TMEM94: variants seen among roughly 807,000 people sequenced by gnomAD.
The protein encoded by TMEM94 is ER Mg2+ ATPase.
Under a neutral mutation model 158.6 loss-of-function variants are expected in TMEM94, and 81 were observed. That is an observed-to-expected ratio of 0.51 (90% CI 0.43 to 0.61). The LOEUF (loss-of-function observed/expected upper bound fraction) is 0.61, where lower values mean the gene tolerates loss of function less well. Ranked by LOEUF, TMEM94 falls within the 20% of genes least tolerant of loss-of-function variation. The pLI is 0.00. For missense variants in TMEM94, 1,435 were observed against 1,762.0 expected, an observed-to-expected ratio of 0.81 and a Z score of 3.32; for synonymous variants, 751 against 730.7, an observed-to-expected ratio of 1.03 and a Z score of -0.45.
chr17:75,494,772 T>G lies in TMEM94; in HGVS notation c.2553T>G (p.Phe851Leu). Residue 851 changes from phenylalanine (F) to leucine (L), a missense_variant, in exon 19 of 32, where the codon TTT (phenylalanine) becomes TTG (leucine). By Grantham distance (22) the Phe-to-Leu change is conservative (BLOSUM62 0). This residue lies in a region of TMEM94 where 1,051 missense variants were observed against 1,254.4 expected (regional missense o/e 0.84). Transcript: ENST00000314256. ...IDGLVNACIR[F>L]VYFSLEDELK... The stretch of plus-strand genomic sequence containing the variant: ...GGCTTGTCAACGCCTGCATCCGCTT[T>G]GTCTACTTCTCTTTGGAGGATGAGC... 1 of 1,613,688 alleles carries G rather than the reference T, an allele frequency of 6.2e-7. No homozygotes were observed. The highest frequency in any genetic ancestry group is 8.5e-7 in the Non-Finnish European group (1 of 1,180,026).
chr17:75,480,116 G>A (rs2146411217), intron 2 of TMEM94, among the ~76,000 whole-genome samples: 1 of 151,754 alleles, frequency 6.6e-6, no homozygotes, highest in South Asian at 2.1e-4. Flanking sequence ...AAGAGAAAAA[G>A]AGCGAGAGAG....
Position 75,466,428 on chromosome 17 carries a change from T to C in TMEM94, c.-106-5372T>C, listed in dbSNP as rs532931620. On this transcript the variant is annotated intron_variant, in intron 1 of 31. Transcript: ENST00000314256. ...CAGAATTTGTTTCTCTTTTCAAAATTGTTTTGCCTATTCTTGGTCCTTTAT... is the reference window on the plus strand; with the variant it reads ...CAGAATTTGTTTCTCTTTTCAAAATCGTTTTGCCTATTCTTGGTCCTTTAT... 3.3e-5 allele frequency among the ~76,000 whole-genome samples: 5 copies of C among 152,298 alleles called. No individual in the cohort carries two copies. The East Asian group carries it at 9.6e-4, about 29-fold the overall frequency.
At chr17:75,497,920 G>A in intron 27 of TMEM94, 58 bp downstream of exon 27, 1 of 1,504,330 alleles carries the variant, frequency 6.6e-7, no homozygotes, top group Non-Finnish European at 9.2e-7. Context: ...CTGAGGATTG[G>A]GGGAGGAGAG....
intron 2 of TMEM94, among the ~76,000 whole-genome samples, chr17:75,482,187 T>TA (rs1020729193): frequency 1.3e-5 from 2 of 151,084 alleles, no homozygotes; most frequent in Non-Finnish European, 3.0e-5. Context: ...TACTAAAATA[T>TA]AAAAAAAAAT....
intron 1 of TMEM94, among the ~76,000 whole-genome samples, chr17:75,461,430 G>C (rs892417828): frequency 1.3e-5 from 2 of 151,718 alleles, no homozygotes; most frequent in African/African-American, 4.8e-5. Context: ...AGACATATTG[G>C]ATACATTCAC....
rs754173269 is a variant in TMEM94 at position 75,488,734 on chromosome 17, C to T, written c.613-25C>T. 2.9e-5 allele frequency: 47 copies of T among 1,613,126 alleles called. No homozygotes were observed. In the South Asian group the frequency reaches 4.6e-4, roughly 16 times the overall value. On this transcript the variant is annotated intron_variant, in intron 6 of 31. Transcript: ENST00000314256. Reference sequence around the variant, plus strand: ...GGCCTCTGATAGGACCCTCTCGTTCCCACTCTCCCACTTGCTGCCGGCAGG... The same window carrying T: ...GGCCTCTGATAGGACCCTCTCGTTCTCACTCTCCCACTTGCTGCCGGCAGG...
chr17:75,457,681 AC>A (rs1428031409), intron 1 of TMEM94: 1 of 152,198 alleles, frequency 6.6e-6, no homozygotes, highest in African/African-American at 2.4e-5. Context: ...AGCTTTAGTG[AC>A]ATAGTTGTTA....
intron 26 of TMEM94, 144 bp downstream of exon 26, chr17:75,497,342 G>A (rs2052801969): frequency 3.8e-6 from 1 of 266,170 alleles, no homozygotes; most frequent in Admixed American, 6.5e-5. Context: ...AACCCCCTTT[G>A]TCTTTTTTTT....
At chr17:75,496,568 T>C (rs1481009832) in intron 24 of TMEM94, 97 bp downstream of exon 24, 1 of 1,431,728 alleles carries the variant, frequency 7.0e-7, no homozygotes, top group Non-Finnish European at 9.7e-7. Flanking sequence ...GGGGACCTCA[T>C]TCCCCAGCCC....
Position 75,498,726 on chromosome 17 carries a change from A to C in TMEM94, c.3827+4A>C. 6.4e-7 allele frequency: 1 copy of C among 1,550,556 alleles called. No individual in the cohort carries two copies. Among genetic ancestry groups the C allele is most frequent in the South Asian group, 1.2e-5 (1 of 80,452 alleles). On this transcript the variant is annotated splice_donor_region_variant and intron_variant, in intron 30 of 31. Coordinates refer to ENST00000314256, the MANE Select transcript of TMEM94 (RefSeq NM_014738.6). The surrounding 1 kb of genome is among the most constrained non-coding windows in gnomAD (Gnocchi z 6.7). ...GGGCCGTGACAGTGCCTGTGGTGTG[A>C]GTATTGCTAGGATGGAGGGCGGAGT...
chr17:75,485,132 G>A lies in TMEM94; in HGVS notation c.25-296G>A, dbSNP rs1387149342. ...TGAGCACAGCCTGGGTGGGCAGGGA[G>A]CTCGCCAGGGGCAGTGGGGAAAGTG... is the stretch of plus-strand genomic sequence containing the variant. On this transcript the variant is annotated intron_variant, in intron 2 of 31. Transcript: ENST00000314256. This position sits in a 1 kb window ranked among gnomAD's most constrained non-coding sequence, Gnocchi z 5.5. Among the ~76,000 whole-genome samples, 2 of 152,194 alleles carry A rather than the reference G, an allele frequency of 1.3e-5. No homozygotes were observed. The highest frequency in any genetic ancestry group is 2.9e-5 in the Non-Finnish European group (2 of 68,038).
chr17:75,499,120 C>A lies in TMEM94; in HGVS notation c.3998+38C>A, dbSNP rs368929250. The A allele has an allele frequency of 3.2e-6, 5 of 1,576,058 alleles. 1 individual carries two copies. The highest frequency in any genetic ancestry group is 4.3e-6 in the Non-Finnish European group (5 of 1,159,538). On this transcript the variant is annotated intron_variant, in intron 31 of 31. Transcript: ENST00000314256. ...CAGGGCGCCTCCCTCTGGGCTCAGGCATGTTCCCTAAACCTGTTACTCCCT... is the reference window on the plus strand; with the variant it reads ...CAGGGCGCCTCCCTCTGGGCTCAGGAATGTTCCCTAAACCTGTTACTCCCT...
At chr17:75,496,838 C>G (rs375889938) in intron 25 of TMEM94, 31 bp downstream of exon 25, 1 of 1,597,052 alleles carries the variant, frequency 6.3e-7, no homozygotes, top group South Asian at 1.1e-5. Flanking sequence ...GCATTGCCCC[C>G]GTGCCACTCA....
At chr17:75,465,537 C>T (rs1227271302) in intron 1 of TMEM94, among the ~76,000 whole-genome samples, 1 of 151,294 alleles carries the variant, frequency 6.6e-6, no homozygotes, top group East Asian at 1.9e-4. Flanking sequence ...CTCAAGTGAT[C>T]CTCCTGCCTC....
Position 75,489,331 on chromosome 17 carries a change from A to C in TMEM94, c.830A>C (p.Gln277Pro). 1 of 1,614,194 alleles carries C rather than the reference A, an allele frequency of 6.2e-7. No homozygotes were observed. Among genetic ancestry groups the C allele is most frequent in the Non-Finnish European group, 8.5e-7 (1 of 1,180,030 alleles). ...CTGGACAATGAGCGGTTCACAGTGCAGTCGGTGATGCTACACTATGCTGTG... is the reference window on the plus strand; with the variant it reads ...CTGGACAATGAGCGGTTCACAGTGCCGTCGGTGATGCTACACTATGCTGTG... ...TALDNERFTV[Q>P]SVMLHYAVPV... The change falls in exon 8 of 32, where the codon CAG (glutamine) becomes CCG (proline). Residue 277 changes from glutamine (Q) to proline (P), a missense_variant. Physicochemically the swap from Gln to Pro is moderately conservative, Grantham distance 76. This residue lies in a region of TMEM94 where 1,051 missense variants were observed against 1,254.4 expected (regional missense o/e 0.84). Coordinates refer to ENST00000314256, the MANE Select transcript of TMEM94 (RefSeq NM_014738.6). The surrounding 1 kb of genome is among the most constrained non-coding windows in gnomAD (Gnocchi z 5.0).
Position 75,489,133 on chromosome 17 carries a change from A to G in TMEM94, c.765-133A>G, listed in dbSNP as rs1304044528. ...CTGGAGGTGAACACGGGCTAGGGCC[A>G]GGGCAGAGCGTGGAACTGCAGGACT... On this transcript the variant is annotated intron_variant, in intron 7 of 31. Transcript: ENST00000314256. This position sits in a 1 kb window ranked among gnomAD's most constrained non-coding sequence, Gnocchi z 5.0. The G allele has an allele frequency of 1.0e-6, 1 of 971,810 alleles. No individual in the cohort carries two copies. Among genetic ancestry groups the G allele is most frequent in the East Asian group, 2.6e-5 (1 of 38,538 alleles). 60.2% of individuals were successfully genotyped at this position (971,810 alleles called of 1,614,324 possible).
chr17:75,477,561 T>A (rs2050773903), intron 2 of TMEM94, among the ~76,000 whole-genome samples: 1 of 152,058 alleles, frequency 6.6e-6, no homozygotes, highest in Non-Finnish European at 1.5e-5. Context: ...CCGTTCTAAT[T>A]AGTAGTTATC....
chr17:75,465,239 T>A (rs2050260566), intron 1 of TMEM94, among the ~76,000 whole-genome samples: 1 of 152,028 alleles, frequency 6.6e-6, no homozygotes, highest in African/African-American at 2.4e-5. Context: ...CTCCAACTCT[T>A]GGCCTCAAGT....
intron 1 of TMEM94, among the ~76,000 whole-genome samples, chr17:75,465,053 G>A (rs1598310567): frequency 1.3e-5 from 2 of 152,178 alleles, no homozygotes; most frequent in East Asian, 3.9e-4. Context: ...AGGCTGGAGT[G>A]TAGTGGCGTG....
Sources: gnomAD v4.1 joint callset for allele counts (sites outside exome capture counted in the v4.1 genomes callset) on GRCh38, gnomAD v4.1.1 for gene constraint, gnomAD v4.1.1 regional missense constraint, Gnocchi (gnomAD v3.1) non-coding constraint, MANE v1.5 for transcripts, NCBI Gene and HGNC (gene_info 2026-07-23, HGNC 2026-07-21) for gene names.